Variants in NAPEPLD observed in about 807,000 individuals in gnomAD.
NAPEPLD encodes the protein N-acyl phosphatidylethanolamine phospholipase D, also known as N-acyl-phosphatidylethanolamine-hydrolyzing phospholipase D.
NAPEPLD carries 23 observed loss-of-function variants against 38.1 expected under a neutral mutation model. The ratio of observed to expected loss-of-function variants is 0.60; its 90% CI spans 0.43 to 0.86. NAPEPLD has a LOEUF of 0.86. Among genes scored for constraint, NAPEPLD ranks in the 40% least tolerant of loss-of-function variants. The pLI, the probability that NAPEPLD is intolerant of heterozygous loss-of-function variation, is 0.00. For missense variants in NAPEPLD, 411 were observed against 476.8 expected, an observed-to-expected ratio of 0.86 and a Z score of 1.28; for synonymous variants, 147 against 162.0, an observed-to-expected ratio of 0.91 and a Z score of 0.71.
chr7:103,145,691 G>A (rs117303507), intron 1 of NAPEPLD, among the ~76,000 whole-genome samples: 1,531 of 152,262 alleles, frequency 0.01, 26 homozygotes, highest in East Asian at 0.066. Flanking sequence ...GGTAAACCAA[G>A]TCAGGCCAGA....
intron 1 of NAPEPLD, among the ~76,000 whole-genome samples, chr7:103,135,681 T>C (rs1809882914): frequency 6.6e-6 from 1 of 152,074 alleles, no homozygotes; most frequent in South Asian, 2.1e-4. Context: ...TTAATAATAA[T>C]TATTGCATCA....
chr7:103,136,311 C>T (rs528226136), intron 1 of NAPEPLD, among the ~76,000 whole-genome samples: 1 of 150,796 alleles, frequency 6.6e-6, no homozygotes, highest in Non-Finnish European at 1.5e-5. Flanking sequence ...GTGGCTCACA[C>T]CTGTAATCCT....
At chr7:103,128,909 G>GT in intron 1 of NAPEPLD, 117 bp from the exon 2 acceptor site, 1 of 1,081,380 alleles carries the variant, frequency 9.2e-7, no homozygotes, top group Non-Finnish European at 1.3e-6. Context: ...TATTATGTCT[G>GT]TATTAGCTGA....
intron 1 of NAPEPLD, among the ~76,000 whole-genome samples, chr7:103,132,018 G>A (rs936836656): frequency 6.6e-6 from 1 of 152,190 alleles, no homozygotes; most frequent in Non-Finnish European, 1.5e-5. Context: ...GGAGCCTGAG[G>A]CAGGAGAATT....
chr7:103,140,433 C>T (rs1811011108), intron 1 of NAPEPLD, among the ~76,000 whole-genome samples: 1 of 138,684 alleles, frequency 7.2e-6, no homozygotes, highest in Non-Finnish European at 1.5e-5. Context: ...TGCTCAGTCG[C>T]CCAGGCTGGA....
chr7:103,130,760 T>TA (rs2129531239), intron 1 of NAPEPLD, among the ~76,000 whole-genome samples: 1 of 152,186 alleles, frequency 6.6e-6, no homozygotes, highest in South Asian at 2.1e-4. Flanking sequence ...CATGCCTGGC[T>TA]AGTTTTTTTA....
At chr7:103,147,881 G>T in intron 1 of NAPEPLD, 1 of 674,736 alleles carries the variant, frequency 1.5e-6, no homozygotes, top group Non-Finnish European at 1.8e-6. Context: ...TGAAAATCCT[G>T]ACTATATTTT....
At chr7:103,140,102 TG>T (rs1403617724) in intron 1 of NAPEPLD, among the ~76,000 whole-genome samples, 4 of 152,202 alleles carry the variant, frequency 2.6e-5, no homozygotes, top group African/African-American at 7.2e-5. Context: ...TTCCCAACTT[TG>T]CCCCTCATCA....
chr7:103,110,084 A>T (rs1585830186), intron 4 of NAPEPLD, among the ~76,000 whole-genome samples: 1 of 152,210 alleles, frequency 6.6e-6, no homozygotes, highest in African/African-American at 2.4e-5. Context: ...TTAATAGCCT[A>T]CCAACCAAAA....
chr7:103,112,196 G>A (rs1043296205), intron 4 of NAPEPLD, among the ~76,000 whole-genome samples: 5 of 152,258 alleles, frequency 3.3e-5, no homozygotes, highest in South Asian at 4.1e-4. Flanking sequence ...ACACTGTGGC[G>A]ATTCCTCAAG....
chr7:103,146,940 A>T (rs922969002), intron 1 of NAPEPLD, among the ~76,000 whole-genome samples: 27 of 152,174 alleles, frequency 1.8e-4, no homozygotes, highest in Non-Finnish European at 7.3e-5. Context: ...CTCTATATAT[A>T]TACATATATT....
Position 103,129,329 on chromosome 7 carries a change from G to A in NAPEPLD, c.-16-537C>T, listed in dbSNP as rs1230007011. ...GCCCTTAAAAAATCCTTTATCTCCT[G>A]TAATCCAAAACAACATATTTCCCCA... On this transcript the variant is annotated intron_variant, in intron 1 of 4. Coordinates refer to ENST00000465647, the MANE Select transcript of NAPEPLD (RefSeq NM_001122838.3). 5.1e-6 allele frequency: 5 copies of A among 984,692 alleles called. No homozygotes were observed. The East Asian group carries it at 3.4e-4, about 67-fold the overall frequency. The allele number at this position is 984,692 out of a possible 1,614,324, so 61.0% of individuals were successfully genotyped here. A position where few individuals can be genotyped will look rare whatever the true frequency, so the allele number is the denominator to read the frequency against.
Position 103,114,856 on chromosome 7 carries a change from G to A in NAPEPLD, c.1056+204C>T, listed in dbSNP as rs537416283. On this transcript the variant is annotated intron_variant, in intron 4 of 4. Coordinates refer to ENST00000465647, the MANE Select transcript of NAPEPLD (RefSeq NM_001122838.3). ...ATAAGCCAAAAGAAAACACAATGAG[G>A]TTGTGTTGTTTTTTTTTTCTGACTG... is the stretch of plus-strand genomic sequence containing the variant. Among the ~76,000 whole-genome samples, 362 of 40,864 alleles carry A rather than the reference G, an allele frequency of 8.9e-3. 2 individuals are homozygous for A. Among genetic ancestry groups the A allele is most frequent in the African/African-American group, 0.012 (344 of 28,458 alleles). 26.8% of individuals were successfully genotyped at this position (40,864 alleles called of 152,430 possible).
intron 4 of NAPEPLD, among the ~76,000 whole-genome samples, chr7:103,103,861 A>G (rs1331119565): frequency 2.0e-5 from 3 of 152,226 alleles, no homozygotes; most frequent in Admixed American, 6.5e-5. Context: ...TGAAATTCCA[A>G]TCTAGATGGA....
chr7:103,129,872 T>A (rs1251790803), intron 1 of NAPEPLD, among the ~76,000 whole-genome samples: 1 of 152,148 alleles, frequency 6.6e-6, no homozygotes, highest in Admixed American at 6.5e-5. Flanking sequence ...AACACACACA[T>A]AAACCCAACA....
At chr7:103,110,111 C>A (rs1029654249) in intron 4 of NAPEPLD, among the ~76,000 whole-genome samples, 1 of 152,126 alleles carries the variant, frequency 6.6e-6, no homozygotes, top group Non-Finnish European at 1.5e-5. Flanking sequence ...CAGGACCAGA[C>A]GGATTCACAG....
intron 3 of NAPEPLD, among the ~76,000 whole-genome samples, chr7:103,117,064 G>C (rs140311202): frequency 1.6e-4 from 25 of 152,298 alleles, no homozygotes; most frequent in African/African-American, 6.0e-4. Context: ...CAGTTTCAAG[G>C]AGGAAAAACA....
At chr7:103,105,108 A>G (rs986857095) in intron 4 of NAPEPLD, among the ~76,000 whole-genome samples, 7 of 152,184 alleles carry the variant, frequency 4.6e-5, no homozygotes, top group Non-Finnish European at 7.3e-5. Context: ...CGCTGTTTCA[A>G]CCATCTGGAA....
intron 4 of NAPEPLD, among the ~76,000 whole-genome samples, chr7:103,110,213 G>A (rs768310664): frequency 2.6e-4 from 39 of 152,052 alleles, no homozygotes; most frequent in Non-Finnish European, 4.4e-4. Context: ...TCCCTAACTC[G>A]TTTTATGAGG....
Sources: gnomAD v4.1 joint callset for allele counts (sites outside exome capture counted in the v4.1 genomes callset) on GRCh38, gnomAD v4.1.1 for gene constraint, MANE v1.5 for transcripts, NCBI Gene and HGNC (gene_info 2026-07-23, HGNC 2026-07-21) for gene names.